FBXO41: variants seen among roughly 807,000 people sequenced by gnomAD.
The protein encoded by FBXO41 is F-box protein 41.
A neutral mutation model predicts 81.6 loss-of-function variants in FBXO41; 33 were observed. The observed-to-expected ratio is 0.40, with a 90% confidence interval of 0.31 to 0.54. FBXO41 has a LOEUF of 0.54. Ranked by LOEUF, FBXO41 falls within the 20% of genes least tolerant of loss-of-function variation. FBXO41 has a pLI of 0.39. For synonymous variants in FBXO41, 576 were observed against 552.7 expected (o/e 1.04, Z -0.59); for missense variants, 1,107 against 1,236.0 (o/e 0.90, Z 1.56).
At position 73,264,474 on chromosome 2, in the gene FBXO41, A is replaced by T; in HGVS notation, c.1610T>A (p.Val537Asp). 2 of 1,613,718 alleles carry T rather than the reference A, an allele frequency of 1.2e-6. No individual in the cohort carries two copies. Among genetic ancestry groups the T allele is most frequent in the Non-Finnish European group, 1.7e-6 (2 of 1,179,844 alleles). ...GSGRGRRAERVSPSRSNEVIS... is the reference protein window; with the variant it reads ...GSGRGRRAERDSPSRSNEVIS... Reference sequence around the variant, plus strand: ...GACCTCATTGGAGCGTGAGGGGCTGACCCTCTCTGCTCGCCGACCCCGCCC... The same window carrying T: ...GACCTCATTGGAGCGTGAGGGGCTGTCCCTCTCTGCTCGCCGACCCCGCCC... The change falls in exon 6 of 13, where the codon GTC (valine) becomes GAC (aspartate). Residue 537 changes from valine (V) to aspartate (D), a missense_variant. By Grantham distance (152) the Val-to-Asp change is radical. Transcript: ENST00000520530.
rs1047020727 is a variant in FBXO41, at chr2:73,269,184, C to A, written c.447G>T (p.Glu149Asp). The change falls in exon 2 of 13, where the codon GAG (glutamate) becomes GAT (aspartate). Residue 149 changes from glutamate to aspartate, a missense_variant. Glu to Asp is a conservative substitution (Grantham distance 45, BLOSUM62 2). Around this residue, in one of 2 missense-constraint regions of FBXO41, gnomAD observed 771 missense variants for 789.2 expected, o/e 0.98. Coordinates refer to ENST00000520530, the MANE Select transcript of FBXO41 (RefSeq NM_001371389.2). This position sits in a 1 kb window ranked among gnomAD's most constrained non-coding sequence, Gnocchi z 7.0. ...ACAGCTCCCCCAGCGGGATCTCGAT[C>A]TCGCGCAGCGCATAGCGCGCTGCTG... ...PAAAARYALREIEIPLGELFA... is the reference protein window; with the variant it reads ...PAAAARYALRDIEIPLGELFA... 16 of 1,528,538 alleles carry A rather than the reference C, an allele frequency of 1.0e-5. No individual in the cohort carries two copies. The highest frequency in any genetic ancestry group is 1.4e-5 in the Non-Finnish European group (16 of 1,141,522). 94.7% of individuals were successfully genotyped at this position (1,528,538 alleles called of 1,614,324 possible). A position where few individuals can be genotyped will look rare whatever the true frequency, so the allele number is the denominator to read the frequency against.
Position 73,266,627 on chromosome 2 carries a change from C to T in FBXO41, c.961G>A (p.Ala321Thr), listed in dbSNP as rs1344056377. ...LKETAAREAS[A>T]KLRLQQFIEE... Reference sequence around the variant, plus strand: ...ATGAACTGCTGCAGCCGCAGCTTGGCGCTGGCCTCCCGCGCCGCCGTCTCC... The same window carrying T: ...ATGAACTGCTGCAGCCGCAGCTTGGTGCTGGCCTCCCGCGCCGCCGTCTCC... The change falls in exon 3 of 13, where the codon GCC (alanine) becomes ACC (threonine). Residue 321 changes from alanine to threonine, a missense_variant. Ala to Thr is a moderately conservative substitution (Grantham distance 58). Coordinates refer to ENST00000520530, the MANE Select transcript of FBXO41 (RefSeq NM_001371389.2). This position sits in a 1 kb window ranked among gnomAD's most constrained non-coding sequence, Gnocchi z 5.3. 5 of 1,608,372 alleles carry T rather than the reference C, an allele frequency of 3.1e-6. No homozygotes were observed. The highest frequency in any genetic ancestry group is 1.7e-5 in the Admixed American group (1 of 59,700).
rs1687924362 is a variant in FBXO41, at chr2:73,259,282, G to C, written c.2464C>G (p.Leu822Val). The change falls in exon 12 of 13, where the codon CTC becomes GTC. Residue 822 changes from leucine (L) to valine (V), a missense_variant. This residue lies in a region of FBXO41 where 336 missense variants were observed against 446.7 expected (regional missense o/e 0.75). Coordinates refer to ENST00000520530, the MANE Select transcript of FBXO41 (RefSeq NM_001371389.2). The surrounding 1 kb of genome is among the most constrained non-coding windows in gnomAD (Gnocchi z 4.2). ...LLHFNSICRN[L>V]KSIVVQIGIA... ...CCAATCTGGACCACAATGGACTTGA[G>C]GTTCCGGCAGATGCCTGAGAAAAGG... is the stretch of plus-strand genomic sequence containing the variant. The C allele has an allele frequency of 6.2e-7, 1 of 1,613,930 alleles. No homozygotes were observed. Among genetic ancestry groups the C allele is most frequent in the Non-Finnish European group, 8.5e-7 (1 of 1,179,902 alleles).
chr2:73,260,564 G>C lies in FBXO41; in HGVS notation c.2291-17C>G, dbSNP rs375233061. The C allele has an allele frequency of 1.9e-6, 3 of 1,574,896 alleles. No individual in the cohort carries two copies. Among genetic ancestry groups the C allele is most frequent in the South Asian group, 1.2e-5 (1 of 85,638 alleles). On this transcript the variant is annotated splice_polypyrimidine_tract_variant and intron_variant, in intron 10 of 12. Coordinates refer to ENST00000520530, the MANE Select transcript of FBXO41 (RefSeq NM_001371389.2). This position sits in a 1 kb window ranked among gnomAD's most constrained non-coding sequence, Gnocchi z 5.0. ...AGTTTCTCGCTAGGAAGAGGAAGAA[G>C]GGGGATCCTGCTGACACACTCCCCA... is the stretch of plus-strand genomic sequence containing the variant.
chr2:73,270,514 G>GC (rs1688460863), intron 1 of FBXO41, among the ~76,000 whole-genome samples: 1 of 152,010 alleles, frequency 6.6e-6, no homozygotes, highest in South Asian at 2.1e-4. Flanking sequence ...TAATGACATC[G>GC]CATGTGTCGC....
Position 73,266,098 on chromosome 2 carries a change from G to C in FBXO41, c.1132-132C>G. The C allele has an allele frequency of 1.2e-6, 1 of 840,722 alleles. No individual in the cohort carries two copies. The highest frequency in any genetic ancestry group is 1.7e-5 in the South Asian group (1 of 59,926). 52.1% of individuals were successfully genotyped at this position (840,722 alleles called of 1,614,324 possible). A position where few individuals can be genotyped will look rare whatever the true frequency, so the allele number is the denominator to read the frequency against. On this transcript the variant is annotated intron_variant, in intron 3 of 12. Coordinates refer to ENST00000520530, the MANE Select transcript of FBXO41 (RefSeq NM_001371389.2). This position sits in a 1 kb window ranked among gnomAD's most constrained non-coding sequence, Gnocchi z 5.3. ...AGGAGAGAGAAGGGAAAATAGTTGGGAAAGATGGACAAATGGACAGACAGA... is the reference window on the plus strand; with the variant it reads ...AGGAGAGAGAAGGGAAAATAGTTGGCAAAGATGGACAAATGGACAGACAGA...
At position 73,260,249 on chromosome 2, in the gene FBXO41, G is replaced by A; in HGVS notation, c.2449+140C>T. The A allele has an allele frequency of 8.6e-7, 1 of 1,162,742 alleles. No homozygotes were observed. Among genetic ancestry groups the A allele is most frequent in the Non-Finnish European group, 1.2e-6 (1 of 835,368 alleles). 72.0% of individuals were successfully genotyped at this position (1,162,742 alleles called of 1,614,324 possible). On this transcript the variant is annotated intron_variant, in intron 11 of 12. Coordinates refer to ENST00000520530, the MANE Select transcript of FBXO41 (RefSeq NM_001371389.2). This position sits in a 1 kb window ranked among gnomAD's most constrained non-coding sequence, Gnocchi z 5.0. ...CTAGGTCAGTCAGGCTCTAGAACCA[G>A]TGCTCTTAACCTGTCCCCCTGCCTC...
Position 73,265,294 on chromosome 2 carries a change from A to G in FBXO41, c.1552T>C (p.Cys518Arg). Residue 518 changes from cysteine to arginine, a missense_variant, in exon 5 of 13, where the codon TGC (cysteine) becomes CGC (arginine). Transcript: ENST00000520530. The stretch of plus-strand genomic sequence containing the variant: ...TTCCGGGACCTACCTGAGAGCCGGC[A>G]GCTGCTCAATGGCCCAGCCATAGCA... ...GPAMAGPLSS[C>R]RLSARPEGGS... The G allele has an allele frequency of 6.2e-7, 1 of 1,605,702 alleles. No individual in the cohort carries two copies. The highest frequency in any genetic ancestry group is 8.5e-7 in the Non-Finnish European group (1 of 1,177,272).
At chr2:73,261,321 G>A (rs11888772) in intron 9 of FBXO41, among the ~76,000 whole-genome samples, 14,247 of 152,082 alleles carry the variant, frequency 0.094, 879 homozygotes, top group African/African-American at 0.17. Context: ...GCTTCCCAAA[G>A]TGCTGGGATT....
chr2:73,258,336 A>T lies in FBXO41; in HGVS notation c.*646T>A, dbSNP rs1687889469. 1 of 152,292 alleles carries T rather than the reference A, an allele frequency of 6.6e-6. No individual in the cohort carries two copies. The highest frequency in any genetic ancestry group is 2.4e-5 in the African/African-American group (1 of 41,370). 9.4% of individuals were successfully genotyped at this position (152,292 alleles called of 1,614,324 possible). A position where few individuals can be genotyped will look rare whatever the true frequency, so the allele number is the denominator to read the frequency against. ...TTGGAAGGGTGGTCTCATCCTGGGG[A>T]GAAGTTCTGGGTGACTGTTTCCTTT... On this transcript the variant is annotated 3_prime_UTR_variant, in exon 13 of 13. Coordinates refer to ENST00000520530, the MANE Select transcript of FBXO41 (RefSeq NM_001371389.2).
At position 73,264,389 on chromosome 2, in the gene FBXO41, G is replaced by T; in HGVS notation, c.1695C>A (p.Asp565Glu). The T allele has an allele frequency of 6.2e-7, 1 of 1,613,868 alleles. No homozygotes were observed. The highest frequency in any genetic ancestry group is 1.1e-5 in the South Asian group (1 of 91,086). Residue 565 changes from aspartate to glutamate, a missense_variant, in exon 6 of 13, where the codon GAC becomes GAA. Around this residue, in one of 2 missense-constraint regions of FBXO41, gnomAD observed 336 missense variants for 446.7 expected, o/e 0.75. Coordinates refer to ENST00000520530, the MANE Select transcript of FBXO41 (RefSeq NM_001371389.2). Reference protein sequence around the residue: ...AALFCIFTYLDTRTLLHAAEV... With the variant: ...AALFCIFTYLETRTLLHAAEV... ...CGGCAGCATGCAGCAGTGTGCGCGTGTCCAGGTAGGTGAAGATGCAGAAGA... is the reference window on the plus strand; with the variant it reads ...CGGCAGCATGCAGCAGTGTGCGCGTTTCCAGGTAGGTGAAGATGCAGAAGA...
chr2:73,269,206 G>C lies in FBXO41; in HGVS notation c.425C>G (p.Ala142Gly). The part of the protein sequence containing the change: ...LAEPGLVPAA[A>G]ARYALREIEI... The stretch of plus-strand genomic sequence containing the variant: ...GATCTCGCGCAGCGCATAGCGCGCT[G>C]CTGCGGCGGGCACAAGGCCCGGCTC... The change falls in exon 2 of 13, where the codon GCA becomes GGA. Residue 142 changes from alanine to glycine, a missense_variant. Ala to Gly is a moderately conservative substitution (Grantham distance 60). Around this residue, in one of 2 missense-constraint regions of FBXO41, gnomAD observed 771 missense variants for 789.2 expected, o/e 0.98. Coordinates refer to ENST00000520530, the MANE Select transcript of FBXO41 (RefSeq NM_001371389.2). The surrounding 1 kb of genome is among the most constrained non-coding windows in gnomAD (Gnocchi z 7.0). The C allele has an allele frequency of 1.4e-5, 21 of 1,524,846 alleles. No individual in the cohort carries two copies. The highest frequency in any genetic ancestry group is 1.8e-5 in the Non-Finnish European group (21 of 1,138,234). The allele number at this position is 1,524,846 out of a possible 1,614,324, so 94.5% of individuals were successfully genotyped here. A position where few individuals can be genotyped will look rare whatever the true frequency, so the allele number is the denominator to read the frequency against.
At chr2:73,278,188 C>G (rs898996180) in intron 1 of FBXO41, among the ~76,000 whole-genome samples, 1 of 152,166 alleles carries the variant, frequency 6.6e-6, no homozygotes, top group African/African-American at 2.4e-5. Flanking sequence ...ATGGAGAAAG[C>G]CCATGCATGG....
At chr2:73,281,475 T>C (rs1466089228) in intron 1 of FBXO41, among the ~76,000 whole-genome samples, 1 of 152,214 alleles carries the variant, frequency 6.6e-6, no homozygotes, top group Admixed American at 6.5e-5. Flanking sequence ...GGATTGGCCA[T>C]GTGACTTGCT....
chr2:73,273,818 G>T (rs1688610553), intron 1 of FBXO41, among the ~76,000 whole-genome samples: 1 of 152,160 alleles, frequency 6.6e-6, no homozygotes, highest in Admixed American at 6.5e-5. Context: ...CTCTAGTAAT[G>T]AGACTCCAGA....
chr2:73,269,759 G>A lies in FBXO41; in HGVS notation c.-129C>T, dbSNP rs977157309. 6.6e-5 allele frequency: 31 copies of A among 466,584 alleles called. No individual in the cohort carries two copies. The highest frequency in any genetic ancestry group is 8.7e-5 in the Non-Finnish European group (29 of 333,100). The allele number at this position is 466,584 out of a possible 1,614,324, so 28.9% of individuals were successfully genotyped here. ...AAGGCTCAGGGCGCCCGCGGCCTGGGGCGAGGAGGCTGGAAGAGACGCGAT... is the reference window on the plus strand; with the variant it reads ...AAGGCTCAGGGCGCCCGCGGCCTGGAGCGAGGAGGCTGGAAGAGACGCGAT... On this transcript the variant is annotated 5_prime_UTR_variant, in exon 2 of 13. Transcript: ENST00000520530. The surrounding 1 kb of genome is among the most constrained non-coding windows in gnomAD (Gnocchi z 7.0).
chr2:73,269,118 C>A lies in FBXO41; in HGVS notation c.513G>T (p.Pro171=). The change falls in exon 2 of 13, where the codon CCG becomes CCT. Residue 171 remains proline, a synonymous_variant. Coordinates refer to ENST00000520530, the MANE Select transcript of FBXO41 (RefSeq NM_001371389.2). The surrounding 1 kb of genome is among the most constrained non-coding windows in gnomAD (Gnocchi z 7.0). ...KSVASSACST[P]PPGPGPGPCP... ...AAGGGCCGGGGCCGGGGCCAGGCGG[C>A]GGCGTCGAGCACGCCGAGGACGCCA... 2 of 1,510,044 alleles carry A rather than the reference C, an allele frequency of 1.3e-6. No homozygotes were observed. Among genetic ancestry groups the A allele is most frequent in the Non-Finnish European group, 1.8e-6 (2 of 1,136,932 alleles). The allele number at this position is 1,510,044 out of a possible 1,614,324, so 93.5% of individuals were successfully genotyped here.
At chr2:73,265,146 A>T in intron 5 of FBXO41, 136 bp downstream of exon 5, 1 of 810,370 alleles carries the variant, frequency 1.2e-6, no homozygotes, top group Non-Finnish European at 1.9e-6. Flanking sequence ...CCCTGTCACA[A>T]GAGTTCCTGC....
intron 5 of FBXO41, 147 bp from the exon 6 acceptor site, chr2:73,264,666 G>T: frequency 8.3e-7 from 1 of 1,210,996 alleles, no homozygotes; most frequent in Non-Finnish European, 1.1e-6. Flanking sequence ...AGGGGCCTCT[G>T]CCTCCCTGTC....
Sources: allele counts gnomAD v4.1 joint callset (sites outside exome capture counted in the v4.1 genomes callset), GRCh38; gene constraint gnomAD v4.1.1; regional missense constraint gnomAD v4.1.1; non-coding constraint Gnocchi (gnomAD v3.1); transcripts MANE v1.5; gene names NCBI Gene and HGNC (gene_info 2026-07-23, HGNC 2026-07-21).